ABCA13: variants seen among roughly 807,000 people sequenced by gnomAD.
ABCA13 encodes ATP-binding cassette sub-family A member 13.
A neutral mutation model predicts 478.7 loss-of-function variants in ABCA13; 476 were observed. That is an observed-to-expected ratio of 0.99 (90% CI 0.92 to 1.07). The LOEUF (loss-of-function observed/expected upper bound fraction) is 1.07, where lower values mean the gene tolerates loss of function less well. Among genes scored for constraint, ABCA13 ranks in the 50% least tolerant of loss-of-function variants. The pLI, the probability that ABCA13 is intolerant of heterozygous loss-of-function variation, is 0.00. For synonymous variants in ABCA13, 2,252 were observed against 2,158.9 expected (o/e 1.04, Z -1.20); for missense variants, 6,060 against 5,910.6 (o/e 1.03, Z -0.83).
intron 22 of ABCA13, 82 bp from the exon 23 acceptor site, chr7:48,298,284 T>C: frequency 7.7e-7 from 1 of 1,292,248 alleles, no homozygotes; most frequent in South Asian, 1.6e-5. Flanking sequence ...CCTAGCCAGG[T>C]TGTAATATCA....
chr7:48,629,236 G>A (rs1304445661), intron 59 of ABCA13, among the ~76,000 whole-genome samples: 1 of 152,162 alleles, frequency 6.6e-6, no homozygotes, highest in Non-Finnish European at 1.5e-5. Context: ...AAGAATTAAT[G>A]TGCATTGCAG....
rs748383814 is a variant in ABCA13, at chr7:48,594,814, G to C, written c.14744+1G>C. The C allele has an allele frequency of 8.7e-6, 14 of 1,613,162 alleles. 1 individual carries two copies. The highest frequency in any genetic ancestry group is 1.2e-5 in the Non-Finnish European group (14 of 1,179,186). ...GTGCTGCGGTGCTGACCTCCCACAG[G>C]TGAGTTCCAGTTTCTCTTGTAGCCA... is the stretch of plus-strand genomic sequence containing the variant. On this transcript the variant is annotated splice_donor_variant, in intron 58 of 61. Coordinates refer to ENST00000435803, the MANE Select transcript of ABCA13 (RefSeq NM_152701.5). LOFTEE classifies it high-confidence loss of function.
At chr7:48,174,650 G>A (rs1039676295) in intron 1 of ABCA13, among the ~76,000 whole-genome samples, 2 of 151,924 alleles carry the variant, frequency 1.3e-5, no homozygotes, top group African/African-American at 4.8e-5. Context: ...TGTAAAAACA[G>A]TACTAAAACA....
intron 42 of ABCA13, among the ~76,000 whole-genome samples, chr7:48,438,086 C>G (rs1045871829): frequency 2.0e-5 from 3 of 152,032 alleles, no homozygotes; most frequent in African/African-American, 2.4e-5. Context: ...AAACTATGCT[C>G]TTATTCTTGT....
chr7:48,253,811 G>C (rs561708039), intron 15 of ABCA13, among the ~76,000 whole-genome samples: 5 of 152,094 alleles, frequency 3.3e-5, no homozygotes, highest in Admixed American at 3.3e-4. Context: ...CCATCTTGAG[G>C]ACTTAAGATG....
chr7:48,528,431 T>A, intron 55 of ABCA13, 86 bp downstream of exon 55: 1 of 947,766 alleles, frequency 1.1e-6, no homozygotes, highest in Non-Finnish European at 1.5e-6. Flanking sequence ...TCCCGTGGAA[T>A]AAAATTTGAA....
At chr7:48,455,517 C>T (rs75582925) in intron 43 of ABCA13, among the ~76,000 whole-genome samples, 1,596 of 152,284 alleles carry the variant, frequency 0.01, 28 homozygotes, top group African/African-American at 0.036. Context: ...AATCCTGAGC[C>T]CCTGACCCCT....
intron 10 of ABCA13, among the ~76,000 whole-genome samples, chr7:48,241,908 TAA>T (rs1190449223): frequency 3.3e-5 from 5 of 152,174 alleles, no homozygotes; most frequent in Non-Finnish European, 5.9e-5. Context: ...AACTTTTACT[TAA>T]GAGATGTTCT....
chr7:48,486,213 GCCCTGTGTCT>G (rs1397546749), intron 47 of ABCA13, among the ~76,000 whole-genome samples: 1 of 152,126 alleles, frequency 6.6e-6, no homozygotes, highest in Non-Finnish European at 1.5e-5. Context: ...GTTCCTAAAA[GCCCTGTGTCT>G]CCCTGAGAGA....
At chr7:48,413,934 T>C (rs1336153849) in intron 41 of ABCA13, among the ~76,000 whole-genome samples, 1 of 152,246 alleles carries the variant, frequency 6.6e-6, no homozygotes, top group African/African-American at 2.4e-5. Flanking sequence ...TGGTGAGCTC[T>C]ACTTAGACCT....
intron 48 of ABCA13, among the ~76,000 whole-genome samples, chr7:48,502,681 A>G (rs1445978017): frequency 6.6e-6 from 1 of 152,236 alleles, no homozygotes; most frequent in Non-Finnish European, 1.5e-5. Context: ...CAGCTGTGTC[A>G]TAGCTGTCAG....
chr7:48,562,424 T>A (rs892643472), intron 55 of ABCA13, among the ~76,000 whole-genome samples: 1 of 152,056 alleles, frequency 6.6e-6, no homozygotes, highest in South Asian at 2.1e-4. Flanking sequence ...TGAATCACCA[T>A]GGGCAAAAAC....
Position 48,249,324 on chromosome 7 carries a change from C to G in ABCA13, c.1978C>G (p.Gln660Glu), listed in dbSNP as rs756342787. 6.2e-7 allele frequency: 1 copy of G among 1,613,120 alleles called. No homozygotes were observed. The highest frequency in any genetic ancestry group is 1.1e-5 in the South Asian group (1 of 91,032). The stretch of plus-strand genomic sequence containing the variant: ...CGAAGTGGCCCAATATGTAAATATG[C>G]AAGAGAGTTTCCAGAACAGACTATT... The part of the protein sequence containing the change: ...TCEVAQYVNM[Q>E]ESFQNRLLAF... Residue 660 changes from glutamine to glutamate, a missense_variant, in exon 15 of 62, where the codon CAA becomes GAA. Transcript: ENST00000435803.
At position 48,580,370 on chromosome 7, in the gene ABCA13, C is replaced by A; in HGVS notation, c.14501C>A (p.Pro4834His). ...CGCGGGATTCCAAGGCAGTGCATCC[C>A]TGAGGTAAATCTCCCTGGGGTCTTC... The part of the protein sequence containing the change: ...SLRGIPRQCI[P>H]EVAGDLIRRL... Residue 4834 changes from proline (P) to histidine (H), a missense_variant, in exon 56 of 62, where the codon CCT becomes CAT. Pro to His is a moderately conservative substitution (Grantham distance 77, BLOSUM62 -2). Transcript: ENST00000435803. 6.2e-7 allele frequency: 1 copy of A among 1,611,438 alleles called. No homozygotes were observed. Among genetic ancestry groups the A allele is most frequent in the East Asian group, 2.2e-5 (1 of 44,730 alleles).
intron 31 of ABCA13, 51 bp downstream of exon 31, chr7:48,352,538 G>C (rs1809197916): frequency 2.7e-6 from 4 of 1,476,814 alleles, no homozygotes; most frequent in Non-Finnish European, 3.6e-6. Context: ...CCTTGCATTT[G>C]TCTAGCTGAG....
At chr7:48,283,030 GCGA>G in intron 19 of ABCA13, among the ~76,000 whole-genome samples, 1 of 152,354 alleles carries the variant, frequency 6.6e-6, no homozygotes, top group South Asian at 2.1e-4. Flanking sequence ...GTGCTCAGCA[GCGA>G]GAAGTAGTGG....
intron 2 of ABCA13, 88 bp downstream of exon 2, chr7:48,193,140 A>C: frequency 4.3e-6 from 4 of 922,528 alleles, no homozygotes; most frequent in Non-Finnish European, 6.6e-6. Flanking sequence ...ATAAACTCTG[A>C]ATGCTGAGTG....
chr7:48,462,021 A>T (rs572128420), intron 43 of ABCA13, among the ~76,000 whole-genome samples: 3 of 152,078 alleles, frequency 2.0e-5, no homozygotes, highest in South Asian at 4.1e-4. Context: ...ACATGGGGAG[A>T]TATTTAGGGG....
intron 2 of ABCA13, among the ~76,000 whole-genome samples, chr7:48,197,929 A>T (rs1798158616): frequency 6.6e-6 from 1 of 152,140 alleles, no homozygotes; most frequent in Non-Finnish European, 1.5e-5. Context: ...GGTGTCTGGA[A>T]GCTTGGCTGT....
Sources: gnomAD v4.1 joint callset for allele counts (sites outside exome capture counted in the v4.1 genomes callset) on GRCh38, gnomAD v4.1.1 for gene constraint, MANE v1.5 for transcripts, NCBI Gene and HGNC (gene_info 2026-07-23, HGNC 2026-07-21) for gene names.